Variants in GPHN observed in about 807,000 individuals in gnomAD.
The protein encoded by GPHN is gephyrin.
A neutral mutation model predicts 95.5 loss-of-function variants in GPHN; 17 were observed. The observed-to-expected ratio is 0.18, with a 90% CI of 0.12 to 0.27. The LOEUF (loss-of-function observed/expected upper bound fraction) is 0.27. GPHN is among the 10% of genes least tolerant of loss of function. GPHN has a pLI of 1.00. For missense variants in GPHN, 660 were observed against 978.1 expected (o/e 0.67, Z 4.34); for synonymous variants, 320 against 322.5 (o/e 0.99, Z 0.08).
At chr14:67,603,460 T>A in the GPHN span, among the ~76,000 whole-genome samples, 2 of 152,222 alleles carry the variant, frequency 1.3e-5, no homozygotes, top group Non-Finnish European at 2.9e-5. Context: ...TTATTAGGAA[T>A]AAATACTGTG....
the GPHN span, chr14:67,208,321 A>G: frequency 1.2e-6 from 2 of 1,614,012 alleles, no homozygotes; most frequent in South Asian, 2.2e-5. Flanking sequence ...TTGAAGGTAA[A>G]AGATATTTTC....
the GPHN span, chr14:67,338,374 G>T: frequency 2.4e-6 from 1 of 425,416 alleles, no homozygotes; most frequent in Non-Finnish European, 4.2e-6. Context: ...AATGGAGTAT[G>T]ATAACGCTTC....
intron 9 of GPHN, among the ~76,000 whole-genome samples, chr14:66,974,676 T>C (rs1377784084): frequency 6.6e-6 from 1 of 152,152 alleles, no homozygotes; most frequent in Non-Finnish European, 1.5e-5. Flanking sequence ...GGAAAAAATT[T>C]TTAAAATTCA....
At chr14:67,309,902 C>T in the GPHN span, among the ~76,000 whole-genome samples, 4 of 151,746 alleles carry the variant, frequency 2.6e-5, no homozygotes, top group African/African-American at 4.8e-5. Context: ...TCAAGATTGA[C>T]AAGTACTTTG....
chr14:67,633,056 G>A, the GPHN span, among the ~76,000 whole-genome samples: 38 of 151,942 alleles, frequency 2.5e-4, no homozygotes, highest in Non-Finnish European at 4.4e-4. Flanking sequence ...TCCTGACCTC[G>A]TGATCCGCCC....
the GPHN span, among the ~76,000 whole-genome samples, chr14:67,204,163 A>G: frequency 6.6e-6 from 1 of 151,832 alleles, no homozygotes; most frequent in African/African-American, 2.4e-5. Flanking sequence ...GAGGCTGGGC[A>G]TGGTGGCTCA....
At chr14:67,717,363 A>G in the GPHN span, among the ~76,000 whole-genome samples, 1 of 152,190 alleles carries the variant, frequency 6.6e-6, no homozygotes, top group South Asian at 2.1e-4. Flanking sequence ...AGGTAAACAG[A>G]ATTAAGCTGG....
rs146567965 is a variant in GPHN, at chr14:67,000,017, T to G, written c.964-23616T>G. 6.3e-3 allele frequency among the ~76,000 whole-genome samples: 961 copies of G among 151,938 alleles called. 12 individuals are homozygous for G. The highest frequency in any genetic ancestry group is 0.022 in the African/African-American group (904 of 41,536). On this transcript the variant is annotated intron_variant, in intron 9 of 22. Transcript: ENST00000478722. ...AAGGTTGATTTAGATAATTTGACAT[T>G]TAGATGCTAAATAATTTATTTCCTG...
chr14:66,946,074 A>G (rs1439432430), intron 8 of GPHN, among the ~76,000 whole-genome samples: 2 of 152,102 alleles, frequency 1.3e-5, no homozygotes, highest in Non-Finnish European at 2.9e-5. Flanking sequence ...TTGAGTTATC[A>G]GAGGAAACTT....
chr14:67,317,480 G>GT, the GPHN span: 1 of 1,597,700 alleles, frequency 6.3e-7, no homozygotes, highest in Non-Finnish European at 8.6e-7. Flanking sequence ...AAAAATGATG[G>GT]TAAGTTCTAC....
the GPHN span, among the ~76,000 whole-genome samples, chr14:67,411,079 C>T: frequency 5.8e-5 from 8 of 139,010 alleles, no homozygotes; most frequent in African/African-American, 1.9e-4. Context: ...CCTGGGAAGT[C>T]GAGGCTGTGG....
rs146956552 is a variant in GPHN at position 67,100,899 on chromosome 14, A to G, written c.1281A>G (p.Gln427=). ...PGDRFIIGES[Q]AGEQPTQTVM... is the part of the protein sequence containing the mutation. ...ATCGTTTCATCATTGGGGAATCCCA[A>G]GCTGGTGAACAGGTGAGATTGATAG... The change falls in exon 13 of 23, where the codon CAA becomes CAG. Residue 427 remains glutamine, a synonymous_variant. Coordinates refer to ENST00000478722, the MANE Select transcript of GPHN (RefSeq NM_020806.5). The G allele has an allele frequency of 1.0e-5, 16 of 1,599,400 alleles. No homozygotes were observed. The highest frequency in any genetic ancestry group is 1.4e-5 in the Non-Finnish European group (16 of 1,166,638).
the GPHN span, among the ~76,000 whole-genome samples, chr14:67,521,370 A>G: frequency 1.7e-3 from 264 of 152,338 alleles, 1 homozygote; most frequent in Non-Finnish European, 2.9e-3. Flanking sequence ...AGAGGGATGG[A>G]AAGGGGTACC....
chr14:67,406,862 TGAA>T, the GPHN span, among the ~76,000 whole-genome samples: 1 of 152,178 alleles, frequency 6.6e-6, no homozygotes, highest in Non-Finnish European at 1.5e-5. Context: ...AATGGTATGC[TGAA>T]GAAGAACCCA....
intron 4 of GPHN, among the ~76,000 whole-genome samples, chr14:66,849,840 C>T (rs2062501880): frequency 6.6e-6 from 1 of 152,030 alleles, no homozygotes; most frequent in African/African-American, 2.4e-5. Context: ...TATGTTTTGG[C>T]TGTATCATTT....
the GPHN span, chr14:67,646,903 C>G: frequency 6.5e-7 from 1 of 1,533,368 alleles, no homozygotes; most frequent in Non-Finnish European, 9.0e-7. Flanking sequence ...GGACTCCTCC[C>G]TTTATATCTC....
At chr14:67,551,098 C>T in the GPHN span, among the ~76,000 whole-genome samples, 1 of 152,204 alleles carries the variant, frequency 6.6e-6, no homozygotes, top group Non-Finnish European at 1.5e-5. Flanking sequence ...TAAATGCCCA[C>T]AACACAGTGT....
At chr14:67,569,166 C>G in the GPHN span, 3 of 1,612,668 alleles carry the variant, frequency 1.9e-6, no homozygotes, top group East Asian at 6.7e-5. Flanking sequence ...GTGGCCACAT[C>G]GGGCATGCGG....
chr14:67,325,607 T>C, the GPHN span, among the ~76,000 whole-genome samples: 2 of 152,228 alleles, frequency 1.3e-5, 1 homozygote, highest in South Asian at 4.1e-4. Context: ...AATAACTACT[T>C]TGGTAGAACA....
Sources: gnomAD v4.1 joint callset for allele counts (sites outside exome capture counted in the v4.1 genomes callset) on GRCh38, gnomAD v4.1.1 for gene constraint, MANE v1.5 for transcripts, NCBI Gene and HGNC (gene_info 2026-07-23, HGNC 2026-07-21) for gene names.